PTPRD: variants seen among roughly 807,000 people sequenced by gnomAD.
PTPRD encodes the protein protein tyrosine phosphatase receptor type D.
In PTPRD, 34 loss-of-function variants were observed where a neutral mutation model predicts 214.5. The observed-to-expected ratio is 0.16, with a 90% CI of 0.12 to 0.21. The LOEUF (loss-of-function observed/expected upper bound fraction) is 0.21. Ranked by LOEUF, PTPRD falls within the 10% of genes least tolerant of loss-of-function variation. The probability of loss-of-function intolerance (pLI) is 1.00; values close to 1 mark genes in which losing one functional copy is unlikely to be tolerated. For synonymous variants in PTPRD, 1,128 were observed against 845.7 expected, an observed-to-expected ratio of 1.33 and a Z score of -5.79; for missense variants, 2,545 against 2,398.7, an observed-to-expected ratio of 1.06 and a Z score of -1.27.
At chr9:10,503,197 A>AAAAAAAC (rs2044405685) in intron 2 of PTPRD, among the ~76,000 whole-genome samples, 2 of 132,058 alleles carry the variant, frequency 1.5e-5, no homozygotes, top group Non-Finnish European at 1.6e-5. Context: ...GCAATACAAA[A>AAAAAAAC]AAAAAAAAAA....
intron 11 of PTPRD, among the ~76,000 whole-genome samples, chr9:8,951,427 C>A (rs1384424401): frequency 1.3e-5 from 2 of 151,086 alleles, no homozygotes; most frequent in Non-Finnish European, 2.9e-5. Flanking sequence ...TAATTGAAGC[C>A]AATATAATCT....
intron 11 of PTPRD, among the ~76,000 whole-genome samples, chr9:8,770,403 G>T (rs555119349): frequency 2.7e-5 from 4 of 150,520 alleles, no homozygotes; most frequent in Admixed American, 6.6e-5. Context: ...GAAAATACAA[G>T]AAAATTTATT....
chr9:8,742,771 G>T (rs865794721), intron 11 of PTPRD, among the ~76,000 whole-genome samples: 18 of 152,092 alleles, frequency 1.2e-4, no homozygotes, highest in African/African-American at 4.3e-4. Flanking sequence ...AGTTCATTAT[G>T]ATAGCTCAAA....
intron 12 of PTPRD, among the ~76,000 whole-genome samples, chr9:8,732,556 T>G (rs2098671573): frequency 6.6e-6 from 1 of 152,218 alleles, no homozygotes; most frequent in Non-Finnish European, 1.5e-5. Flanking sequence ...AGTTAATTAT[T>G]TGCTGGCATT....
chr9:9,316,487 T>C (rs941109153), intron 9 of PTPRD, among the ~76,000 whole-genome samples: 4 of 152,110 alleles, frequency 2.6e-5, no homozygotes, highest in African/African-American at 7.2e-5. Flanking sequence ...AAACAAGACA[T>C]TGCTTGACCC....
chr9:10,463,256 G>T (rs542295038), intron 2 of PTPRD, among the ~76,000 whole-genome samples: 1 of 152,040 alleles, frequency 6.6e-6, no homozygotes, highest in South Asian at 2.1e-4. Context: ...CAATTTTAAC[G>T]AGCATTTATT....
chr9:9,113,695 A>G (rs536063198), intron 10 of PTPRD, among the ~76,000 whole-genome samples: 1 of 152,276 alleles, frequency 6.6e-6, no homozygotes, highest in East Asian at 1.9e-4. Context: ...TAGGGGTAAC[A>G]TGTAGGATGA....
intron 5 of PTPRD, among the ~76,000 whole-genome samples, chr9:9,923,297 A>G (rs1288680158): frequency 6.6e-6 from 1 of 151,730 alleles, no homozygotes; most frequent in East Asian, 1.9e-4. Context: ...AGTGGAAGAT[A>G]AAAATCAAGA....
intron 12 of PTPRD, among the ~76,000 whole-genome samples, chr9:8,646,550 C>T (rs1442407911): frequency 9.2e-5 from 14 of 152,132 alleles, no homozygotes; most frequent in Admixed American, 9.2e-4. Flanking sequence ...AAAATGCCTT[C>T]TTTCCCACTT....
chr9:8,387,609 G>A (rs955988155), intron 37 of PTPRD, among the ~76,000 whole-genome samples: 37 of 152,192 alleles, frequency 2.4e-4, no homozygotes, highest in Non-Finnish European at 1.3e-4. Context: ...TTTCACAGAA[G>A]TGTCAACAGG....
chr9:8,482,803 C>G (rs556376488), intron 30 of PTPRD, among the ~76,000 whole-genome samples: 2 of 152,244 alleles, frequency 1.3e-5, no homozygotes, highest in South Asian at 2.1e-4. Context: ...CCGTATGGCA[C>G]CACTGGGTGC....
intron 12 of PTPRD, among the ~76,000 whole-genome samples, chr9:8,659,576 C>T (rs1309643900): frequency 1.3e-5 from 2 of 152,180 alleles, no homozygotes; most frequent in Non-Finnish European, 2.9e-5. Context: ...TCTGAAGTAA[C>T]AAGCTATCTA....
At chr9:8,357,881 T>C (rs760494633) in intron 39 of PTPRD, among the ~76,000 whole-genome samples, 5 of 152,210 alleles carry the variant, frequency 3.3e-5, no homozygotes, top group Non-Finnish European at 7.3e-5. Flanking sequence ...GTAAGTATCC[T>C]ACAGGGTTTG....
chr9:10,416,747 T>C lies in PTPRD; in HGVS notation c.-599-75730A>G, dbSNP rs139195790. Among the ~76,000 whole-genome samples the C allele has an allele frequency of 5.3e-5, 8 of 151,858 alleles. No homozygotes were observed. In the East Asian group the frequency reaches 1.4e-3, roughly 26 times the overall value. ...AAGAGTATCTCTGTGGAGATTGCAATGTCAAGATATTTATAAGTTTGGGGG... is the reference window on the plus strand; with the variant it reads ...AAGAGTATCTCTGTGGAGATTGCAACGTCAAGATATTTATAAGTTTGGGGG... On this transcript the variant is annotated intron_variant, in intron 2 of 45. Coordinates refer to ENST00000381196, the MANE Select transcript of PTPRD (RefSeq NM_002839.4).
At chr9:9,083,954 G>A (rs1438064697) in intron 10 of PTPRD, among the ~76,000 whole-genome samples, 3 of 152,168 alleles carry the variant, frequency 2.0e-5, no homozygotes, top group Admixed American at 6.5e-5. Context: ...CACTGTTGGT[G>A]GGAGTGTAAA....
intron 11 of PTPRD, among the ~76,000 whole-genome samples, chr9:8,741,773 TAG>T (rs777261515): frequency 2.0e-5 from 3 of 151,828 alleles, no homozygotes; most frequent in Admixed American, 1.3e-4. Flanking sequence ...GTATTTTTAG[TAG>T]AGACAGGATT....
rs2135909856 is a variant in PTPRD, at chr9:8,485,821, C to T, written c.2996G>A (p.Ser999Asn). 1 of 1,614,058 alleles carries T rather than the reference C, an allele frequency of 6.2e-7. No individual in the cohort carries two copies. Among genetic ancestry groups the T allele is most frequent in the Non-Finnish European group, 8.5e-7 (1 of 1,180,004 alleles). Reference sequence around the variant, plus strand: ...GGGACTATATGGCCCGGGCCCTTTGCTCGTATGAGCACGTACTTTTACATC... The same window carrying T: ...GGGACTATATGGCCCGGGCCCTTTGTTCGTATGAGCACGTACTTTTACATC... Reference protein sequence around the residue: ...TYDVKVRAHTSKGPGPYSPSV... With the variant: ...TYDVKVRAHTNKGPGPYSPSV... The change falls in exon 28 of 46, where the codon AGC becomes AAC. Residue 999 changes from serine (S) to asparagine (N), a missense_variant. Physicochemically the swap from Ser to Asn is conservative, Grantham distance 46. Coordinates refer to ENST00000381196, the MANE Select transcript of PTPRD (RefSeq NM_002839.4).
At chr9:9,801,806 C>G (rs553824554) in intron 5 of PTPRD, among the ~76,000 whole-genome samples, 2 of 152,150 alleles carry the variant, frequency 1.3e-5, no homozygotes, top group East Asian at 3.9e-4. Flanking sequence ...ACTGCAAGTT[C>G]TTTTATCCGT....
intron 11 of PTPRD, among the ~76,000 whole-genome samples, chr9:8,974,367 T>C (rs924363947): frequency 6.6e-6 from 1 of 152,100 alleles, no homozygotes; most frequent in Non-Finnish European, 1.5e-5. Context: ...GTTCTACTAG[T>C]GTACCAACTC....
Sources: gnomAD v4.1 joint callset for allele counts (sites outside exome capture counted in the v4.1 genomes callset) on GRCh38, gnomAD v4.1.1 for gene constraint, MANE v1.5 for transcripts, NCBI Gene and HGNC (gene_info 2026-07-23, HGNC 2026-07-21) for gene names.